CTNND2: variants seen among roughly 807,000 people sequenced by gnomAD.
The protein encoded by CTNND2 is catenin delta-2.
A neutral mutation model predicts 144.4 loss-of-function variants in CTNND2; 22 were observed. That is an observed-to-expected ratio of 0.15 (90% CI 0.11 to 0.22). CTNND2 has a LOEUF of 0.22. Among genes scored for constraint, CTNND2 ranks in the 10% least tolerant of loss-of-function variants. The pLI, the probability that CTNND2 is intolerant of heterozygous loss-of-function variation, is 1.00. For synonymous variants in CTNND2, 751 were observed against 695.6 expected (o/e 1.08, Z -1.25); for missense variants, 1,353 against 1,618.8 (o/e 0.84, Z 2.82).
intron 9 of CTNND2, among the ~76,000 whole-genome samples, chr5:11,240,741 CCCA>C (rs1742297640): frequency 6.7e-6 from 1 of 148,262 alleles, no homozygotes; most frequent in African/African-American, 2.5e-5. Context: ...CACACACACA[CCCA>C]ACACACACAC....
chr5:11,746,456 T>C (rs1349633834), intron 1 of CTNND2, among the ~76,000 whole-genome samples: 1 of 152,122 alleles, frequency 6.6e-6, no homozygotes, highest in Non-Finnish European at 1.5e-5. Context: ...CACTAAGAAC[T>C]GTGATGATCT....
chr5:11,212,442 G>A (rs1053662132), intron 10 of CTNND2, among the ~76,000 whole-genome samples: 3 of 152,210 alleles, frequency 2.0e-5, no homozygotes, highest in Non-Finnish European at 2.9e-5. Context: ...GAGTGCAGTA[G>A]GTCCACGCTT....
chr5:11,088,033 A>T (rs909599539), intron 15 of CTNND2, among the ~76,000 whole-genome samples: 1 of 152,266 alleles, frequency 6.6e-6, no homozygotes, highest in African/African-American at 2.4e-5. Context: ...GTAATTTTCA[A>T]TTAAAAAATT....
chr5:11,277,639 C>T (rs754406323), intron 9 of CTNND2, among the ~76,000 whole-genome samples: 1 of 151,920 alleles, frequency 6.6e-6, no homozygotes, highest in Non-Finnish European at 1.5e-5. Context: ...TCAAGAGATC[C>T]TCCCACCTCA....
chr5:11,552,054 C>CACCT (rs886548841), intron 3 of CTNND2, among the ~76,000 whole-genome samples: 2 of 152,168 alleles, frequency 1.3e-5, no homozygotes, highest in African/African-American at 4.8e-5. Context: ...GAACCTGAGC[C>CACCT]ACCTTGCCCT....
Position 11,197,863 on chromosome 5 carries a change from G to A in CTNND2, c.1975+1585C>T, listed in dbSNP as rs142292313. 1.7e-3 allele frequency among the ~76,000 whole-genome samples: 256 copies of A among 152,238 alleles called. 1 individual carries two copies. The highest frequency in any genetic ancestry group is 3.4e-3 in the Middle Eastern group (1 of 294). On this transcript the variant is annotated intron_variant, in intron 11 of 21. Transcript: ENST00000304623. ...GGCAATCAGGGAAGCCACAACAGAGGGGTTCTTCTACACAATGAATTTTGT... is the reference window on the plus strand; with the variant it reads ...GGCAATCAGGGAAGCCACAACAGAGAGGTTCTTCTACACAATGAATTTTGT...
At chr5:11,641,638 GTA>G (rs1303877057) in intron 2 of CTNND2, among the ~76,000 whole-genome samples, 3 of 138,956 alleles carry the variant, frequency 2.2e-5, no homozygotes, top group African/African-American at 6.2e-5. Flanking sequence ...ATACGTGTGT[GTA>G]TATACATATA....
At chr5:11,846,325 C>T (rs1794733586) in intron 1 of CTNND2, among the ~76,000 whole-genome samples, 1 of 152,084 alleles carries the variant, frequency 6.6e-6, no homozygotes, top group South Asian at 2.1e-4. Context: ...TCTTTGACTT[C>T]ATACTGTACA....
intron 16 of CTNND2, among the ~76,000 whole-genome samples, chr5:11,081,255 C>T (rs767453625): frequency 6.6e-6 from 1 of 152,016 alleles, no homozygotes; most frequent in African/African-American, 2.4e-5. Flanking sequence ...TATTATGCAA[C>T]AAGGTGACTA....
At chr5:11,021,331 TG>T (rs1742228402) in intron 17 of CTNND2, among the ~76,000 whole-genome samples, 1 of 152,192 alleles carries the variant, frequency 6.6e-6, no homozygotes, top group African/African-American at 2.4e-5. Flanking sequence ...TATATCAGAT[TG>T]TTTTGCAGAC....
intron 10 of CTNND2, among the ~76,000 whole-genome samples, chr5:11,207,634 G>GTCTC (rs1374991516): frequency 2.0e-5 from 3 of 152,074 alleles, no homozygotes; most frequent in African/African-American, 7.2e-5. Flanking sequence ...TTAAGCAGAG[G>GTCTC]TCTCTCCTTA....
intron 18 of CTNND2, among the ~76,000 whole-genome samples, chr5:10,999,268 G>A (rs115669128): frequency 0.068 from 10,288 of 152,190 alleles, 386 homozygotes; most frequent in East Asian, 0.11. Flanking sequence ...ACTCAGAATG[G>A]CTTGGAGGTG....
intron 11 of CTNND2, among the ~76,000 whole-genome samples, chr5:11,183,909 G>A (rs1735364611): frequency 6.6e-6 from 1 of 151,946 alleles, no homozygotes; most frequent in Non-Finnish European, 1.5e-5. Flanking sequence ...GTCTCTCTCT[G>A]TCCCTCCCTC....
chr5:11,414,168 G>A (rs926612550), intron 3 of CTNND2, among the ~76,000 whole-genome samples: 2 of 152,256 alleles, frequency 1.3e-5, no homozygotes, highest in Admixed American at 6.5e-5. Flanking sequence ...AGGAATGCGT[G>A]AAGTCATCAG....
chr5:11,877,191 T>C (rs1365524441), intron 1 of CTNND2, among the ~76,000 whole-genome samples: 1 of 152,160 alleles, frequency 6.6e-6, no homozygotes, highest in Non-Finnish European at 1.5e-5. Flanking sequence ...TTGAAATGTA[T>C]CGTTTTTAAA....
chr5:11,826,766 T>C lies in CTNND2; in HGVS notation c.37+77051A>G, dbSNP rs1417768600. On this transcript the variant is annotated intron_variant, in intron 1 of 21. Coordinates refer to ENST00000304623, the MANE Select transcript of CTNND2 (RefSeq NM_001332.4). Reference sequence around the variant, plus strand: ...TAAGGAGTAATGATAGAGGAGTCAATTCATCAAGACATAAGAATCCAATCT... The same window carrying C: ...TAAGGAGTAATGATAGAGGAGTCAACTCATCAAGACATAAGAATCCAATCT... Among the ~76,000 whole-genome samples the C allele has an allele frequency of 2.0e-5, 3 of 152,070 alleles. No individual in the cohort carries two copies. In the East Asian group the frequency reaches 5.8e-4, roughly 29 times the overall value.
intron 11 of CTNND2, among the ~76,000 whole-genome samples, chr5:11,161,546 A>C (rs1452040684): frequency 6.6e-6 from 1 of 152,212 alleles, no homozygotes. Flanking sequence ...TAAATAATCA[A>C]AATGACTTCA....
chr5:11,694,648 A>C lies in CTNND2; in HGVS notation c.174+37488T>G, dbSNP rs992640997. On this transcript the variant is annotated intron_variant, in intron 2 of 21. Transcript: ENST00000304623. Reference sequence around the variant, plus strand: ...TTGGGGGTTATAAATGCATTTTAACATACACAAGCTCACAAACATGAAATT... The same window carrying C: ...TTGGGGGTTATAAATGCATTTTAACCTACACAAGCTCACAAACATGAAATT... 7.8e-4 allele frequency among the ~76,000 whole-genome samples: 118 copies of C among 152,192 alleles called. 1 individual carries two copies. The highest frequency in any genetic ancestry group is 1.5e-4 in the Non-Finnish European group (10 of 68,032).
chr5:11,137,851 G>A (rs374416646), intron 12 of CTNND2, among the ~76,000 whole-genome samples: 74 of 152,310 alleles, frequency 4.9e-4, no homozygotes, highest in African/African-American at 1.4e-3. Context: ...AAATGACCCT[G>A]TATTAGCTTT....
Sources: allele counts gnomAD v4.1 joint callset (sites outside exome capture counted in the v4.1 genomes callset), GRCh38; gene constraint gnomAD v4.1.1; transcripts MANE v1.5; gene names NCBI Gene and HGNC (gene_info 2026-07-23, HGNC 2026-07-21).